SLC9B1: variants seen among roughly 807,000 people sequenced by gnomAD.
SLC9B1 encodes the protein sodium/hydrogen exchanger 9B1.
In SLC9B1, 32 loss-of-function variants were observed where a neutral mutation model predicts 51.7. The observed-to-expected ratio is 0.62, with a 90% CI of 0.47 to 0.83. The LOEUF (loss-of-function observed/expected upper bound fraction) is 0.83, where lower values mean the gene tolerates loss of function less well. Ranked by LOEUF, SLC9B1 falls within the 40% of genes least tolerant of loss-of-function variation. The pLI, the probability that SLC9B1 is intolerant of heterozygous loss-of-function variation, is 0.00. For missense variants in SLC9B1, 406 were observed against 613.2 expected (o/e 0.66, Z 3.57); for synonymous variants, 145 against 212.7 (o/e 0.68, Z 2.77).
At chr4:102,977,132 A>G (rs780404197) in intron 3 of SLC9B1, among the ~76,000 whole-genome samples, 4 of 152,032 alleles carry the variant, frequency 2.6e-5, no homozygotes, top group Non-Finnish European at 4.4e-5. Context: ...CCTGGGCAAC[A>G]GAGTGAGACT....
At chr4:102,916,371 A>C (rs1187990119) in intron 7 of SLC9B1, among the ~76,000 whole-genome samples, 1 of 152,214 alleles carries the variant, frequency 6.6e-6, no homozygotes, top group African/African-American at 2.4e-5. Context: ...GGGCCAATTG[A>C]CCAAGAAGAT....
intron 3 of SLC9B1, among the ~76,000 whole-genome samples, chr4:102,955,845 GAA>G (rs1491330205): frequency 1.6e-4 from 11 of 69,990 alleles, no homozygotes; most frequent in South Asian, 5.0e-4. Context: ...AAGAGAGAGA[GAA>G]AGAAAGAAAG....
chr4:102,940,949 C>A (rs893614517), intron 6 of SLC9B1, among the ~76,000 whole-genome samples: 1 of 152,140 alleles, frequency 6.6e-6, no homozygotes, highest in Non-Finnish European at 1.5e-5. Context: ...GGACTCCATA[C>A]GTTTCACCGT....
intron 6 of SLC9B1, among the ~76,000 whole-genome samples, chr4:102,938,746 T>C (rs1056146633): frequency 6.6e-6 from 1 of 152,036 alleles, no homozygotes; most frequent in African/African-American, 2.4e-5. Context: ...TACAATTACA[T>C]GGAAATTAAA....
chr4:102,965,425 T>G (rs969404058), intron 3 of SLC9B1, among the ~76,000 whole-genome samples: 2 of 152,150 alleles, frequency 1.3e-5, no homozygotes, highest in African/African-American at 4.8e-5. Context: ...CAATCCATTC[T>G]CAGGGTAACT....
At position 102,893,281 on chromosome 4, in the gene SLC9B1, C is replaced by CAAAAAAAAAAA. The variant is rs58316456; in HGVS notation, c.1333-7964_1333-7954dup. Among the ~76,000 whole-genome samples the CAAAAAAAAAAA allele has an allele frequency of 2.5e-3, 89 of 35,122 alleles. 2 individuals carry two copies. Among genetic ancestry groups the CAAAAAAAAAAA allele is most frequent in the African/African-American group, 4.8e-3 (41 of 8,462 alleles). 23.0% of individuals were successfully genotyped at this position (35,122 alleles called of 152,430 possible). On this transcript the variant is annotated intron_variant, in intron 11 of 11. Transcript: ENST00000394789. ...TGGGCCACAGAGCAAGACTCCATCT[C>CAAAAAAAAAAA]AAAAAAAAAAAAAAAAAAAAAAAAG...
At chr4:102,932,709 A>T (rs1736520481) in intron 6 of SLC9B1, among the ~76,000 whole-genome samples, 1 of 152,228 alleles carries the variant, frequency 6.6e-6, no homozygotes, top group Non-Finnish European at 1.5e-5. Context: ...TGTAAATAAG[A>T]TTGCCTCAAA....
intron 1 of SLC9B1, among the ~76,000 whole-genome samples, chr4:103,013,332 G>A (rs1019970032): frequency 3.3e-5 from 5 of 152,264 alleles, no homozygotes; most frequent in African/African-American, 1.2e-4. Flanking sequence ...AACTGGATGT[G>A]TTTTTCCCCT....
At position 102,926,325 on chromosome 4, in the gene SLC9B1, C is replaced by T. The variant is rs189666644; in HGVS notation, c.829+5799G>A. The stretch of plus-strand genomic sequence containing the variant: ...TCAAATTGTCCCTGTTTGCAGATGA[C>T]ATGATTGTATATTTAGAAAACCCCA... On this transcript the variant is annotated intron_variant, in intron 7 of 11. Transcript: ENST00000296422. 2.4e-4 allele frequency among the ~76,000 whole-genome samples: 37 copies of T among 152,362 alleles called. No individual in the cohort carries two copies. The East Asian group carries it at 6.9e-3, about 29-fold the overall frequency.
chr4:102,926,798 C>T (rs915429384), intron 7 of SLC9B1, among the ~76,000 whole-genome samples: 2 of 152,150 alleles, frequency 1.3e-5, no homozygotes, highest in Non-Finnish European at 2.9e-5. Context: ...CCAAGACAAT[C>T]CTAAGCAAAA....
chr4:102,891,944 T>C (rs1179705949), intron 11 of SLC9B1: 1 of 152,216 alleles, frequency 6.6e-6, no homozygotes, highest in East Asian at 1.9e-4. Flanking sequence ...AAAGCTGTTT[T>C]GTTTTGTTTT....
intron 7 of SLC9B1, among the ~76,000 whole-genome samples, chr4:102,921,613 G>A (rs1327196400): frequency 6.6e-6 from 1 of 152,082 alleles, no homozygotes; most frequent in African/African-American, 2.4e-5. Context: ...GACACAGACT[G>A]GCAAACTGGA....
chr4:102,944,859 A>C (rs1190168986), intron 6 of SLC9B1, among the ~76,000 whole-genome samples: 1 of 152,202 alleles, frequency 6.6e-6, no homozygotes, highest in Non-Finnish European at 1.5e-5. Context: ...ACATACATAT[A>C]TATGAAATGT....
intron 1 of SLC9B1, among the ~76,000 whole-genome samples, chr4:103,010,535 G>A (rs1049925106): frequency 2.0e-5 from 3 of 151,860 alleles, no homozygotes; most frequent in South Asian, 4.2e-4. Flanking sequence ...CTCAAGATTG[G>A]GTAATTTATA....
intron 3 of SLC9B1, among the ~76,000 whole-genome samples, chr4:102,965,763 A>C (rs1441800706): frequency 6.7e-6 from 1 of 148,680 alleles, no homozygotes; most frequent in African/African-American, 2.5e-5. Flanking sequence ...AGTTCCTCCT[A>C]GCTATGAGCC....
At chr4:102,977,238 G>C (rs1020206265) in intron 3 of SLC9B1, among the ~76,000 whole-genome samples, 4 of 149,684 alleles carry the variant, frequency 2.7e-5, no homozygotes, top group Non-Finnish European at 5.9e-5. Context: ...AAGAAAAAAG[G>C]CCAAGTCAAA....
At chr4:102,947,983 C>CGGTGATGGTGGTTATAGT (rs1193435908) in intron 4 of SLC9B1, among the ~76,000 whole-genome samples, 5 of 152,040 alleles carry the variant, frequency 3.3e-5, no homozygotes, top group African/African-American at 7.2e-5. Context: ...GTGGTTATAG[C>CGGTGATGGTGGTTATAGT]GGTGATGGTT....
intron 1 of SLC9B1, among the ~76,000 whole-genome samples, chr4:102,999,464 C>A (rs934647066): frequency 1.1e-4 from 17 of 152,124 alleles, no homozygotes; most frequent in African/African-American, 3.9e-4. Flanking sequence ...ACCTCTTTAA[C>A]TCAAAAATCT....
intron 1 of SLC9B1, among the ~76,000 whole-genome samples, chr4:103,004,411 C>T (rs985777289): frequency 6.6e-6 from 1 of 152,116 alleles, no homozygotes; most frequent in Non-Finnish European, 1.5e-5. Flanking sequence ...AGAATAAACA[C>T]CTCTGAGAAA....
Sources: gnomAD v4.1 joint callset for allele counts (sites outside exome capture counted in the v4.1 genomes callset) on GRCh38, gnomAD v4.1.1 for gene constraint, MANE v1.5 for transcripts, NCBI Gene and HGNC (gene_info 2026-07-23, HGNC 2026-07-21) for gene names.